Variants in RNGTT observed in about 807,000 individuals in gnomAD.
RNGTT encodes the protein RNA guanylyltransferase and 5'-phosphatase.
In RNGTT, 33 loss-of-function variants were observed where a neutral mutation model predicts 79.3. That is an observed-to-expected ratio of 0.42 (90% CI 0.32 to 0.56). The LOEUF (loss-of-function observed/expected upper bound fraction) is 0.56. Ranked by LOEUF, RNGTT falls within the 20% of genes least tolerant of loss-of-function variation. RNGTT has a pLI of 0.17. For synonymous variants in RNGTT, 222 were observed against 235.9 expected (o/e 0.94, Z 0.54); for missense variants, 497 against 739.1 (o/e 0.67, Z 3.80).
intron 8 of RNGTT, among the ~76,000 whole-genome samples, chr6:88,880,351 G>C (rs1222088014): frequency 6.6e-6 from 1 of 152,124 alleles, no homozygotes; most frequent in Non-Finnish European, 1.5e-5. Context: ...GTTATAAAAA[G>C]CTGAATATAA....
chr6:88,722,433 C>T (rs541629964), intron 13 of RNGTT, among the ~76,000 whole-genome samples: 1 of 152,240 alleles, frequency 6.6e-6, no homozygotes, highest in South Asian at 2.1e-4. Flanking sequence ...TCACAGGGCA[C>T]ACTGTCACCC....
chr6:88,803,623 C>CAATG (rs1476367445), intron 11 of RNGTT, among the ~76,000 whole-genome samples: 1 of 134,928 alleles, frequency 7.4e-6, no homozygotes, highest in Non-Finnish European at 1.6e-5. Flanking sequence ...TTCTGCTGAG[C>CAATG]AATGATGCAA....
At chr6:88,730,024 C>A (rs1232660948) in intron 13 of RNGTT, among the ~76,000 whole-genome samples, 1 of 152,144 alleles carries the variant, frequency 6.6e-6, no homozygotes, top group African/African-American at 2.4e-5. Flanking sequence ...CTTACTAAAA[C>A]CTTCCTTAAC....
At chr6:88,662,310 C>T (rs1774215931) in intron 14 of RNGTT, among the ~76,000 whole-genome samples, 1 of 152,186 alleles carries the variant, frequency 6.6e-6, no homozygotes, top group African/African-American at 2.4e-5. Flanking sequence ...TTGTGGATTC[C>T]AGACATTGTA....
At chr6:88,814,237 T>C (rs1041721766) in intron 11 of RNGTT, among the ~76,000 whole-genome samples, 107 of 152,322 alleles carry the variant, frequency 7.0e-4, no homozygotes, top group African/African-American at 2.5e-3. Context: ...CTTTATTACC[T>C]ATATATATCT....
chr6:88,654,099 G>T (rs1453954902), intron 14 of RNGTT, among the ~76,000 whole-genome samples: 2 of 152,048 alleles, frequency 1.3e-5, no homozygotes, highest in Non-Finnish European at 2.9e-5. Context: ...TACAGTGTAG[G>T]GTTGCTCGAC....
chr6:88,728,805 G>A (rs1257632146), intron 13 of RNGTT, among the ~76,000 whole-genome samples: 1 of 152,132 alleles, frequency 6.6e-6, no homozygotes, highest in Non-Finnish European at 1.5e-5. Flanking sequence ...CTAACAACAA[G>A]ACCAAAATAG....
At chr6:88,842,967 C>T (rs1275294568) in intron 11 of RNGTT, among the ~76,000 whole-genome samples, 2 of 151,872 alleles carry the variant, frequency 1.3e-5, no homozygotes, top group South Asian at 2.1e-4. Flanking sequence ...CCCAGCTACT[C>T]GGTAGGCTGA....
rs142488180 is a variant in RNGTT, at chr6:88,721,242, G to C, written c.1440-42823C>G. 6.1e-3 allele frequency among the ~76,000 whole-genome samples: 932 copies of C among 152,048 alleles called. 5 individuals carry two copies. The highest frequency in any genetic ancestry group is 0.017 in the Middle Eastern group (5 of 294). Reference sequence around the variant, plus strand: ...AATCCAAACTACACTCTCGATTCCAGATTAATACATTCCACCACTTGGTGG... The same window carrying C: ...AATCCAAACTACACTCTCGATTCCACATTAATACATTCCACCACTTGGTGG... On this transcript the variant is annotated intron_variant, in intron 13 of 15. Coordinates refer to ENST00000369485, the MANE Select transcript of RNGTT (RefSeq NM_003800.5).
chr6:88,841,032 T>C (rs899894830), intron 11 of RNGTT, among the ~76,000 whole-genome samples: 9 of 152,172 alleles, frequency 5.9e-5, no homozygotes, highest in Non-Finnish European at 8.8e-5. Context: ...TTATACTGTA[T>C]TTACAATTTA....
chr6:88,798,994 C>A (rs1027128292), intron 12 of RNGTT, among the ~76,000 whole-genome samples: 1 of 152,054 alleles, frequency 6.6e-6, no homozygotes, highest in African/African-American at 2.4e-5. Flanking sequence ...CAGAATTCAA[C>A]AGGATTGTTG....
intron 11 of RNGTT, among the ~76,000 whole-genome samples, chr6:88,835,973 AAAACAC>A (rs1204966119): frequency 1.1e-5 from 1 of 94,492 alleles, no homozygotes; most frequent in African/African-American, 4.3e-5. Flanking sequence ...GTCTCTATTA[AAAACAC>A]ACACACACAC....
chr6:88,949,159 G>GAAAAA, intron 1 of RNGTT, among the ~76,000 whole-genome samples: 117 of 50,498 alleles, frequency 2.3e-3, no homozygotes, highest in African/African-American at 6.1e-3. Flanking sequence ...AAAATAAAAT[G>GAAAAA]AAAAAAAAAA....
intron 14 of RNGTT, among the ~76,000 whole-genome samples, chr6:88,620,780 A>G (rs1337143124): frequency 6.6e-6 from 1 of 152,226 alleles, no homozygotes; most frequent in Admixed American, 6.5e-5. Flanking sequence ...AGACAGTGAC[A>G]GGAGTTGGAC....
At chr6:88,767,767 T>A (rs913370588) in intron 13 of RNGTT, among the ~76,000 whole-genome samples, 11 of 151,412 alleles carry the variant, frequency 7.3e-5, no homozygotes, top group Non-Finnish European at 1.3e-4. Flanking sequence ...GATGGTCTTC[T>A]GTAAGGCACT....
At chr6:88,840,314 G>T (rs771557781) in intron 11 of RNGTT, among the ~76,000 whole-genome samples, 2 of 152,140 alleles carry the variant, frequency 1.3e-5, no homozygotes, top group Non-Finnish European at 2.9e-5. Context: ...ACTTCAGTAA[G>T]AGACATTAAG....
intron 14 of RNGTT, among the ~76,000 whole-genome samples, chr6:88,617,720 A>T (rs376242980): frequency 6.6e-6 from 1 of 152,158 alleles, no homozygotes; most frequent in East Asian, 1.9e-4. Flanking sequence ...TTCTGCAAAA[A>T]ATACTATTGG....
At chr6:88,906,244 A>G (rs1783650159) in intron 5 of RNGTT, 121 bp downstream of exon 5, 1 of 628,566 alleles carries the variant, frequency 1.6e-6, no homozygotes, top group East Asian at 2.8e-5. Context: ...AATGAAAAGC[A>G]GTTCAAATTA....
chr6:88,695,935 G>GTGAAAT (rs1295869122), intron 13 of RNGTT, among the ~76,000 whole-genome samples: 3 of 152,172 alleles, frequency 2.0e-5, no homozygotes, highest in Admixed American at 2.0e-4. Context: ...TCACTTACAT[G>GTGAAAT]TGAAATTGAA....
Sources: gnomAD v4.1 joint callset for allele counts (sites outside exome capture counted in the v4.1 genomes callset) on GRCh38, gnomAD v4.1.1 for gene constraint, MANE v1.5 for transcripts, NCBI Gene and HGNC (gene_info 2026-07-23, HGNC 2026-07-21) for gene names.